SOX5: variants seen among roughly 807,000 people sequenced by gnomAD.
SOX5 encodes the protein transcription factor SOX-5.
Under a neutral mutation model 92.0 loss-of-function variants are expected in SOX5, and 9 were observed. The ratio of observed to expected loss-of-function variants is 0.10; its 90% confidence interval spans 0.06 to 0.17. The LOEUF (loss-of-function observed/expected upper bound fraction) is 0.17, where lower values mean the gene tolerates loss of function less well. Among genes scored for constraint, SOX5 ranks in the 10% least tolerant of loss-of-function variants. The probability of loss-of-function intolerance (pLI) is 1.00; values close to 1 mark genes in which losing one functional copy is unlikely to be tolerated. For synonymous variants in SOX5, 344 were observed against 336.3 expected (o/e 1.02, Z -0.25); for missense variants, 642 against 944.5 (o/e 0.68, Z 4.20).
intron 8 of SOX5, among the ~76,000 whole-genome samples, chr12:23,617,253 T>C (rs148606046): frequency 2.2e-4 from 34 of 152,074 alleles, no homozygotes; most frequent in African/African-American, 8.0e-4. Context: ...GAAGCATGCT[T>C]GGTGAAATAG....
At chr12:23,718,899 T>C (rs1259295217) in intron 6 of SOX5, among the ~76,000 whole-genome samples, 3 of 152,166 alleles carry the variant, frequency 2.0e-5, no homozygotes, top group African/African-American at 7.2e-5. Flanking sequence ...AGGTACCTCT[T>C]TGCAATTTTA....
At chr12:24,373,470 T>G (rs1197555974) in intron 1 of SOX5, among the ~76,000 whole-genome samples, 1 of 152,212 alleles carries the variant, frequency 6.6e-6, no homozygotes, top group African/African-American at 2.4e-5. Context: ...GAAATTTAGT[T>G]TCCTTTTCTT....
chr12:24,441,707 G>A (rs934012054), intron 1 of SOX5, among the ~76,000 whole-genome samples: 8 of 152,274 alleles, frequency 5.3e-5, no homozygotes, highest in African/African-American at 1.9e-4. Flanking sequence ...TAAACAATGG[G>A]GGGAAAAAGA....
At chr12:23,958,256 A>G (rs989752024) in intron 4 of SOX5, among the ~76,000 whole-genome samples, 6 of 152,092 alleles carry the variant, frequency 3.9e-5, no homozygotes, top group Non-Finnish European at 7.4e-5. Flanking sequence ...TTGTTCTTAT[A>G]TTGAGTGTGT....
chr12:24,224,420 C>G (rs1045982912), intron 3 of SOX5, among the ~76,000 whole-genome samples: 7 of 151,576 alleles, frequency 4.6e-5, no homozygotes, highest in Non-Finnish European at 8.8e-5. Context: ...GAAAGCCAAT[C>G]ACATTATTCC....
At chr12:24,165,233 TAACA>T (rs1228178735) in intron 4 of SOX5, among the ~76,000 whole-genome samples, 2 of 152,118 alleles carry the variant, frequency 1.3e-5, no homozygotes, top group African/African-American at 4.8e-5. Context: ...TTTTTCAATA[TAACA>T]AACATTTGCT....
chr12:24,183,338 C>G (rs578045187), intron 4 of SOX5, among the ~76,000 whole-genome samples: 1 of 152,248 alleles, frequency 6.6e-6, no homozygotes, highest in Non-Finnish European at 1.5e-5. Flanking sequence ...CATTCGTGCA[C>G]GAAGACACCA....
intron 2 of SOX5, among the ~76,000 whole-genome samples, chr12:23,873,526 C>A (rs2096896683): frequency 6.6e-6 from 1 of 152,074 alleles, no homozygotes; most frequent in Non-Finnish European, 1.5e-5. Flanking sequence ...CAAAAATAAA[C>A]CACTTGTTTA....
chr12:24,042,861 T>C (rs1956652190), intron 4 of SOX5, among the ~76,000 whole-genome samples: 1 of 152,214 alleles, frequency 6.6e-6, no homozygotes, highest in Non-Finnish European at 1.5e-5. Context: ...AGTGCTGGCA[T>C]TTGCAATTCC....
At chr12:24,141,862 C>T (rs1950617889) in intron 4 of SOX5, among the ~76,000 whole-genome samples, 1 of 152,012 alleles carries the variant, frequency 6.6e-6, no homozygotes, top group African/African-American at 2.4e-5. Context: ...AATGTAAATG[C>T]CCCATGTGTT....
rs1555507659 is a variant in SOX5, at chr12:24,095,142, G to GAGAGAGAT, written c.-2+118200_-2+118201insATCTCTCT. 3.6e-3 allele frequency among the ~76,000 whole-genome samples: 540 copies of GAGAGAGAT among 148,328 alleles called. 2 individuals are homozygous for GAGAGAGAT. The highest frequency in any genetic ancestry group is 0.014 in the Middle Eastern group (4 of 286). On this transcript the variant is annotated intron_variant, in intron 4 of 4. Coordinates refer to the SOX5 transcript ENST00000446891. Reference sequence around the variant, plus strand: ...ACACACACACACAGAGAGAGAGAGAGAGAGAGAGAGAGAGACAGAGACAGA... The same window carrying GAGAGAGAT: ...ACACACACACACAGAGAGAGAGAGAGAGAGAGATAGAGAGAGAGAGAGACAGAGACAGA...
intron 1 of SOX5, among the ~76,000 whole-genome samples, chr12:23,919,019 T>C (rs1277463132): frequency 6.6e-6 from 1 of 151,606 alleles, no homozygotes; most frequent in Non-Finnish European, 1.5e-5. Context: ...AAAAATCAGG[T>C]CACATTGCAG....
chr12:23,758,454 T>C (rs1056089750), intron 3 of SOX5, among the ~76,000 whole-genome samples: 9 of 151,722 alleles, frequency 5.9e-5, no homozygotes, highest in African/African-American at 2.2e-4. Flanking sequence ...TAATAGCTAC[T>C]ATTTAGAGGG....
chr12:23,717,139 A>G (rs2092551481), intron 6 of SOX5, among the ~76,000 whole-genome samples: 1 of 152,214 alleles, frequency 6.6e-6, no homozygotes, highest in African/African-American at 2.4e-5. Flanking sequence ...GATTCCGACA[A>G]TTGGAGTCAT....
At chr12:24,287,290 G>T (rs1645942961) in intron 2 of SOX5, among the ~76,000 whole-genome samples, 1 of 152,154 alleles carries the variant, frequency 6.6e-6, no homozygotes, top group African/African-American at 2.4e-5. Flanking sequence ...AAATAAGTCA[G>T]ATATGATTAT....
At chr12:24,056,562 A>G (rs1015805292) in intron 4 of SOX5, among the ~76,000 whole-genome samples, 1 of 152,186 alleles carries the variant, frequency 6.6e-6, no homozygotes, top group African/African-American at 2.4e-5. Flanking sequence ...AGAAACTTCG[A>G]TTCAATTCAA....
intron 1 of SOX5, among the ~76,000 whole-genome samples, chr12:24,414,643 G>A (rs1964698427): frequency 6.6e-6 from 1 of 152,198 alleles, no homozygotes; most frequent in Non-Finnish European, 1.5e-5. Context: ...CAGGAAAAGA[G>A]AAAGGAAGTG....
Position 24,493,972 on chromosome 12 carries a change from A to G in SOX5, c.-251+68357T>C, listed in dbSNP as rs201413981. On this transcript the variant is annotated intron_variant, in intron 1 of 4. Transcript: ENST00000446891. ...TTTAAAAGCAGAAGTACTTGCATCAATTGATCACTTCCTCAATGATCGAAT... is the reference window on the plus strand; with the variant it reads ...TTTAAAAGCAGAAGTACTTGCATCAGTTGATCACTTCCTCAATGATCGAAT... Among the ~76,000 whole-genome samples the G allele has an allele frequency of 8.5e-5, 13 of 152,336 alleles. No homozygotes were observed. In the East Asian group the frequency reaches 1.5e-3, roughly 18 times the overall value.
intron 4 of SOX5, among the ~76,000 whole-genome samples, chr12:24,146,224 T>C (rs553677301): frequency 1.3e-4 from 20 of 152,170 alleles, no homozygotes; most frequent in Non-Finnish European, 2.4e-4. Flanking sequence ...ACAGAGTCCA[T>C]ATTTAGTCCA....
Sources: gnomAD v4.1 joint callset for allele counts (sites outside exome capture counted in the v4.1 genomes callset) on GRCh38, gnomAD v4.1.1 for gene constraint, MANE v1.5 for transcripts, NCBI Gene and HGNC (gene_info 2026-07-23, HGNC 2026-07-21) for gene names.